The following CUX1 variants were observed in gnomAD, a reference collection of about 807,000 sequenced individuals.
The protein encoded by CUX1 is protein CASP.
Under a neutral mutation model 158.8 loss-of-function variants are expected in CUX1, and 31 were observed. That is an observed-to-expected ratio of 0.20 (90% CI 0.15 to 0.26). The LOEUF is 0.26. Ranked by LOEUF, CUX1 falls within the 10% of genes least tolerant of loss-of-function variation. The pLI, the probability that CUX1 is intolerant of heterozygous loss-of-function variation, is 1.00. For missense variants in CUX1, 1,589 were observed against 2,014.6 expected, an observed-to-expected ratio of 0.79 and a Z score of 4.04; for synonymous variants, 879 against 862.1, an observed-to-expected ratio of 1.02 and a Z score of -0.34.
chr7:102,242,107 GA>G (rs1252397879), intron 23 of CUX1, among the ~76,000 whole-genome samples: 1 of 152,088 alleles, frequency 6.6e-6, no homozygotes, highest in African/African-American at 2.4e-5. Flanking sequence ...CAACAGTAAT[GA>G]AGCAGAATGA....
chr7:101,983,058 TG>T (rs1165256974), intron 2 of CUX1, among the ~76,000 whole-genome samples: 13 of 151,964 alleles, frequency 8.6e-5, no homozygotes, highest in African/African-American at 2.9e-4. Context: ...CAACAGTTCC[TG>T]ACGGCCCACC....
chr7:101,885,414 A>AAG (rs1026685693), intron 1 of CUX1, among the ~76,000 whole-genome samples: 12 of 152,038 alleles, frequency 7.9e-5, no homozygotes, highest in African/African-American at 2.4e-4. Flanking sequence ...GGGAAGAGAG[A>AAG]AGAGAGAGAG....
intron 1 of CUX1, among the ~76,000 whole-genome samples, chr7:101,821,857 G>GTTTTTTTTT (rs58248170): frequency 3.5e-4 from 29 of 83,402 alleles, no homozygotes; most frequent in East Asian, 6.6e-4. Context: ...TTGTTTTTTT[G>GTTTTTTTTT]TTTTTTTTTT....
chr7:102,231,716 T>C (rs1554530889), intron 21 of CUX1, among the ~76,000 whole-genome samples: 2 of 144,872 alleles, frequency 1.4e-5, no homozygotes, highest in African/African-American at 2.6e-5. Context: ...AATTTTCTCT[T>C]TTTTTTTTTT....
intron 8 of CUX1, among the ~76,000 whole-genome samples, chr7:102,123,313 TA>T (rs1228991028): frequency 2.6e-5 from 4 of 151,624 alleles, no homozygotes; most frequent in Non-Finnish European, 4.4e-5. Flanking sequence ...AATCAGTTTT[TA>T]AAAAATTTTT....
At position 102,248,822 on chromosome 7, in the gene CUX1, C is replaced by T. The variant is rs782643537; in HGVS notation, c.4298C>T (p.Ala1433Val). 1.9e-5 allele frequency: 22 copies of T among 1,148,478 alleles called. 1 individual carries two copies. The African/African-American group carries it at 2.3e-4, about 12-fold the overall frequency. The allele number at this position is 1,148,478 out of a possible 1,614,324, so 71.1% of individuals were successfully genotyped here. ...SAAAAPGEGP[A>V]APSSAPPPSN... ...GCCGCCGCGCCGGGGGAGGGCCCCG[C>T]GGCCCCGAGCTCCGCGCCGCCGCCC... The change falls in exon 24 of 24, where the codon GCG becomes GTG. Residue 1433 changes from alanine (A) to valine (V), a missense_variant. Physicochemically the swap from Ala to Val is moderately conservative, Grantham distance 64. Around this residue, in one of 8 missense-constraint regions of CUX1, gnomAD observed 344 missense variants for 323.7 expected, o/e 1.06. Transcript: ENST00000292535. The surrounding 1 kb of genome is among the most constrained non-coding windows in gnomAD (Gnocchi z 5.8).
intron 11 of CUX1, among the ~76,000 whole-genome samples, chr7:102,181,741 G>A (rs1554514073): frequency 6.6e-6 from 1 of 152,106 alleles, no homozygotes; most frequent in Non-Finnish European, 1.5e-5. Flanking sequence ...GTCCTGATAC[G>A]AAACCCACAT....
rs934802093 is a variant in CUX1 at position 102,251,628 on chromosome 7, G to A, written c.*2586G>A. 110 of 985,268 alleles carry A rather than the reference G, an allele frequency of 1.1e-4. No homozygotes were observed. Among genetic ancestry groups the A allele is most frequent in the Admixed American group, 3.7e-4 (6 of 16,262 alleles). The allele number at this position is 985,268 out of a possible 1,614,324, so 61.0% of individuals were successfully genotyped here. A position where few individuals can be genotyped will look rare whatever the true frequency, so the allele number is the denominator to read the frequency against. ...GGGGACACGGGTCAACATCTAGCTC[G>A]ATTCAGGTGCATTGAGAAGAGTGAG... On this transcript the variant is annotated 3_prime_UTR_variant, in exon 24 of 24. Transcript: ENST00000292535.
chr7:102,069,793 T>C (rs1190631378), intron 3 of CUX1, among the ~76,000 whole-genome samples: 1 of 152,210 alleles, frequency 6.6e-6, no homozygotes, highest in East Asian at 1.9e-4. Flanking sequence ...GGGATTTGAA[T>C]GTGTTCGTCC....
At chr7:101,837,172 T>C (rs1017008364) in intron 1 of CUX1, among the ~76,000 whole-genome samples, 3 of 152,046 alleles carry the variant, frequency 2.0e-5, no homozygotes, top group African/African-American at 7.3e-5. Flanking sequence ...TATTTGAGAG[T>C]GTGAGGAGGA....
chr7:102,215,030 G>A (rs1268199774), intron 20 of CUX1, among the ~76,000 whole-genome samples: 4 of 152,102 alleles, frequency 2.6e-5, no homozygotes, highest in African/African-American at 9.7e-5. Context: ...TGCCTTAGCA[G>A]CACCTCTGAA....
At chr7:102,111,211 C>T (rs1554489950) in intron 6 of CUX1, among the ~76,000 whole-genome samples, 1 of 151,970 alleles carries the variant, frequency 6.6e-6, no homozygotes, top group East Asian at 1.9e-4. Flanking sequence ...CGAGCATTCA[C>T]AATGTCCCCA....
chr7:102,051,856 T>G (rs1284669998), intron 3 of CUX1, among the ~76,000 whole-genome samples: 1 of 152,152 alleles, frequency 6.6e-6, no homozygotes, highest in Non-Finnish European at 1.5e-5. Flanking sequence ...TGACTTTTAG[T>G]GTATTCACCA....
intron 2 of CUX1, among the ~76,000 whole-genome samples, chr7:101,929,053 C>T (rs945656395): frequency 1.3e-5 from 2 of 151,808 alleles, no homozygotes; most frequent in East Asian, 4.0e-4. Context: ...CTGAGGCTGG[C>T]GGATCACTTG....
intron 2 of CUX1, among the ~76,000 whole-genome samples, chr7:101,965,902 A>C (rs555821826): frequency 6.0e-4 from 90 of 150,512 alleles, no homozygotes; most frequent in Non-Finnish European, 9.5e-4. Context: ...AAGAGGTTGA[A>C]GAGATAGCTA....
intron 20 of CUX1, among the ~76,000 whole-genome samples, chr7:102,215,622 G>A (rs408425): frequency 0.58 from 88,804 of 152,038 alleles, 26,805 homozygotes; most frequent in East Asian, 0.93. Flanking sequence ...TTAGGAGGAC[G>A]TGTAAAATAA....
chr7:102,225,606 G>A (rs1339010303), intron 20 of CUX1, among the ~76,000 whole-genome samples: 3 of 152,170 alleles, frequency 2.0e-5, no homozygotes, highest in African/African-American at 7.2e-5. Flanking sequence ...GCTCCTGCCT[G>A]TAAACCCAGC....
At chr7:102,172,972 A>G (rs1220990789) in intron 10 of CUX1, among the ~76,000 whole-genome samples, 5 of 132,926 alleles carry the variant, frequency 3.8e-5, no homozygotes, top group African/African-American at 1.5e-4. Flanking sequence ...GAGGCAGGAG[A>G]ATTGCTTGAA....
chr7:102,058,727 C>T (rs917090521), intron 3 of CUX1, among the ~76,000 whole-genome samples: 1 of 152,126 alleles, frequency 6.6e-6, no homozygotes, highest in African/African-American at 2.4e-5. Flanking sequence ...CATATATTAT[C>T]TACTCACAAC....
Sources: allele counts gnomAD v4.1 joint callset (sites outside exome capture counted in the v4.1 genomes callset), GRCh38; gene constraint gnomAD v4.1.1; regional missense constraint gnomAD v4.1.1; non-coding constraint Gnocchi (gnomAD v3.1); transcripts MANE v1.5; gene names NCBI Gene and HGNC (gene_info 2026-07-23, HGNC 2026-07-21).